NLGN1: variants seen among roughly 807,000 people sequenced by gnomAD.
NLGN1 encodes neuroligin-1.
NLGN1 carries 12 observed loss-of-function variants against 65.5 expected under a neutral mutation model. The ratio of observed to expected loss-of-function variants is 0.18; its 90% CI spans 0.12 to 0.30. The LOEUF (loss-of-function observed/expected upper bound fraction) is 0.30. Among genes scored for constraint, NLGN1 ranks in the 10% least tolerant of loss-of-function variants. The probability of loss-of-function intolerance (pLI) is 1.00; values close to 1 mark genes in which losing one functional copy is unlikely to be tolerated. For missense variants in NLGN1, 750 were observed against 1,007.1 expected (o/e 0.74, Z 3.46); for synonymous variants, 350 against 359.5 (o/e 0.97, Z 0.30).
In NLGN1 at chr3:173,649,648, G is replaced by A. The variant is rs941583461; in HGVS notation, c.493+44557G>A. On this transcript the variant is annotated intron_variant, in intron 3 of 6. Transcript: ENST00000457714. The stretch of plus-strand genomic sequence containing the variant: ...AATAAAGTTAAAATAGGTACTTATC[G>A]TTCTATCTCACAACACACAGGCAAC... Among the ~76,000 whole-genome samples, 7 of 151,960 alleles carry A rather than the reference G, an allele frequency of 4.6e-5. No homozygotes were observed. The South Asian group carries it at 1.2e-3, about 27-fold the overall frequency.
At chr3:173,523,604 G>A (rs115108069) in intron 2 of NLGN1, among the ~76,000 whole-genome samples, 1,551 of 151,610 alleles carry the variant, frequency 0.01, 52 homozygotes, top group Non-Finnish European at 0.016. Context: ...ATTCTGTTCC[G>A]TTGGTCTGTG....
At chr3:173,866,788 A>G (rs763892364) in intron 4 of NLGN1, among the ~76,000 whole-genome samples, 1 of 152,128 alleles carries the variant, frequency 6.6e-6, no homozygotes, top group Non-Finnish European at 1.5e-5. Context: ...GGCAGTGGAC[A>G]TTTATGTAGT....
intron 4 of NLGN1, among the ~76,000 whole-genome samples, chr3:174,261,824 C>A (rs1392638200): frequency 3.3e-5 from 5 of 149,564 alleles, no homozygotes; most frequent in African/African-American, 1.2e-4. Flanking sequence ...GTGGGGTTGT[C>A]ATAGATAGCT....
chr3:173,604,680 C>G lies in NLGN1; in HGVS notation c.82C>G (p.Pro28Ala), dbSNP rs374001658. 30 of 1,613,494 alleles carry G rather than the reference C, an allele frequency of 1.9e-5. No homozygotes were observed. Among genetic ancestry groups the G allele is most frequent in the South Asian group, 1.1e-5 (1 of 91,076 alleles). Residue 28 changes from proline to alanine, a missense_variant, in exon 3 of 7, where the codon CCA (proline) becomes GCA (alanine). Transcript: ENST00000457714. ...CTTGGTACACCGGGGATTGGGTGCC[C>G]CATTGACTCTCTGTATGTTGGGATG...
chr3:173,659,510 A>G (rs1371678363), intron 3 of NLGN1, among the ~76,000 whole-genome samples: 1 of 151,964 alleles, frequency 6.6e-6, no homozygotes, highest in Non-Finnish European at 1.5e-5. Context: ...GTCATTTAAA[A>G]GGCAAGTAAG....
chr3:173,656,502 A>C (rs1760059715), intron 3 of NLGN1, among the ~76,000 whole-genome samples: 1 of 151,850 alleles, frequency 6.6e-6, no homozygotes, highest in African/African-American at 2.4e-5. Flanking sequence ...TCACTTAGTG[A>C]AAATGTAAGT....
chr3:173,506,270 G>A (rs781172255), intron 2 of NLGN1, among the ~76,000 whole-genome samples: 8 of 152,026 alleles, frequency 5.3e-5, no homozygotes, highest in Non-Finnish European at 8.8e-5. Context: ...TCTAGGAAAT[G>A]TCTTCCTGTT....
intron 4 of NLGN1, among the ~76,000 whole-genome samples, chr3:174,204,480 T>A (rs1435620129): frequency 1.3e-5 from 2 of 152,226 alleles, no homozygotes; most frequent in Non-Finnish European, 2.9e-5. Flanking sequence ...CCACGGATGT[T>A]AACTGAAGTC....
chr3:174,005,651 G>T (rs1369584042), intron 4 of NLGN1, among the ~76,000 whole-genome samples: 1 of 151,238 alleles, frequency 6.6e-6, no homozygotes, highest in Non-Finnish European at 1.5e-5. Flanking sequence ...ACAATACTGT[G>T]TTCATGCATG....
chr3:173,589,665 G>T (rs551010733), intron 2 of NLGN1, among the ~76,000 whole-genome samples: 1 of 152,250 alleles, frequency 6.6e-6, no homozygotes, highest in South Asian at 2.1e-4. Flanking sequence ...ATCAGGCAAT[G>T]ATATGAAGGT....
At chr3:174,034,587 A>G (rs142723082) in intron 4 of NLGN1, among the ~76,000 whole-genome samples, 188 of 152,252 alleles carry the variant, frequency 1.2e-3, no homozygotes, top group African/African-American at 4.4e-3. Context: ...CCTGTACTAC[A>G]TGTGAAGTGG....
intron 2 of NLGN1, among the ~76,000 whole-genome samples, chr3:173,541,823 T>C (rs895760566): frequency 2.6e-5 from 4 of 152,114 alleles, no homozygotes; most frequent in Non-Finnish European, 5.9e-5. Context: ...GACCTATTTG[T>C]TTCTCTTTAA....
At chr3:174,293,510 G>T in the NLGN1 span, among the ~76,000 whole-genome samples, 1 of 151,392 alleles carries the variant, frequency 6.6e-6, no homozygotes, top group Non-Finnish European at 1.5e-5. Flanking sequence ...CATGACTTCA[G>T]AAAAAAGAAG....
At chr3:173,513,838 C>T (rs1733382229) in intron 2 of NLGN1, among the ~76,000 whole-genome samples, 1 of 151,852 alleles carries the variant, frequency 6.6e-6, no homozygotes, top group African/African-American at 2.4e-5. Context: ...CCAGCCTGGC[C>T]AACATGGTGA....
chr3:173,675,152 G>A (rs1158173642), intron 3 of NLGN1, among the ~76,000 whole-genome samples: 1 of 152,124 alleles, frequency 6.6e-6, no homozygotes, highest in African/African-American at 2.4e-5. Context: ...AAGGAAGAGA[G>A]AAGCAGCAGA....
chr3:174,227,034 C>A (rs746281569), intron 4 of NLGN1, among the ~76,000 whole-genome samples: 9 of 152,080 alleles, frequency 5.9e-5, no homozygotes, highest in Admixed American at 3.9e-4. Flanking sequence ...TAATTTTAGG[C>A]CTGGTCTAGT....
intron 4 of NLGN1, among the ~76,000 whole-genome samples, chr3:174,273,924 T>C (rs1749989337): frequency 6.6e-6 from 1 of 151,786 alleles, no homozygotes; most frequent in Non-Finnish European, 1.5e-5. Flanking sequence ...ATTTATTTGC[T>C]AACCTGATAG....
chr3:173,915,028 T>C (rs1196046098), intron 4 of NLGN1: 5 of 152,198 alleles, frequency 3.3e-5, no homozygotes, highest in Non-Finnish European at 7.3e-5. Context: ...CAATGTTTTC[T>C]TTTTAATCAT....
At chr3:173,521,002 G>A (rs1376070383) in intron 2 of NLGN1, among the ~76,000 whole-genome samples, 2 of 152,178 alleles carry the variant, frequency 1.3e-5, no homozygotes, top group East Asian at 3.9e-4. Flanking sequence ...CAGTGTGTGT[G>A]CAAGAGTCTA....
Sources: gnomAD v4.1 joint callset for allele counts (sites outside exome capture counted in the v4.1 genomes callset) on GRCh38, gnomAD v4.1.1 for gene constraint, MANE v1.5 for transcripts, NCBI Gene and HGNC (gene_info 2026-07-23, HGNC 2026-07-21) for gene names.